The following SRPK2 variants were observed in gnomAD, a reference collection of about 807,000 sequenced individuals.
SRPK2 encodes SFRS protein kinase 2.
In SRPK2, 21 loss-of-function variants were observed where a neutral mutation model predicts 90.8. That is an observed-to-expected ratio of 0.23 (90% CI 0.16 to 0.33). SRPK2 has a LOEUF of 0.33. SRPK2 is among the 10% of genes least tolerant of loss of function. The probability of loss-of-function intolerance (pLI) is 1.00; values close to 1 mark genes in which losing one functional copy is unlikely to be tolerated. For synonymous variants in SRPK2, 288 were observed against 311.1 expected (o/e 0.93, Z 0.78); for missense variants, 620 against 869.0 (o/e 0.71, Z 3.60).
chr7:105,129,666 C>T lies in SRPK2; in HGVS notation c.1753-2604G>A, dbSNP rs116967117. On this transcript the variant is annotated intron_variant, in intron 13 of 15. Transcript: ENST00000393651. ...CTGGGATTACAGGTGTGCATCACCT[C>T]GCTGGGCCTAAGTATAATCTTTATT... Among the ~76,000 whole-genome samples, 560 of 152,240 alleles carry T rather than the reference C, an allele frequency of 3.7e-3. 15 individuals are homozygous for T. In the East Asian group the frequency reaches 0.062, roughly 17 times the overall value.
Position 105,132,820 on chromosome 7 carries a change from G to A in SRPK2, c.1723C>T (p.Pro575Ser). 6.2e-7 allele frequency: 1 copy of A among 1,610,132 alleles called. No individual in the cohort carries two copies. Among genetic ancestry groups the A allele is most frequent in the Non-Finnish European group, 8.5e-7 (1 of 1,177,990 alleles). ...EVLIGAGYST[P>S]ADIWSTACMA... Reference sequence around the variant, plus strand: ...CACGCCGTGCTCCAGATGTCCGCAGGGGTGCTGTACCCCGCTCCTATTAAA... The same window carrying A: ...CACGCCGTGCTCCAGATGTCCGCAGAGGTGCTGTACCCCGCTCCTATTAAA... Residue 575 changes from proline (P) to serine (S), a missense_variant, in exon 13 of 16, where the codon CCT (proline) becomes TCT (serine). Coordinates refer to ENST00000393651, the MANE Select transcript of SRPK2 (RefSeq NM_182692.3).
At chr7:105,355,300 A>T (rs1201756444) in intron 2 of SRPK2, among the ~76,000 whole-genome samples, 1 of 151,980 alleles carries the variant, frequency 6.6e-6, no homozygotes, top group Non-Finnish European at 1.5e-5. Context: ...GTTCAAGACT[A>T]GCCTGCGCAA....
At chr7:105,248,729 C>T (rs1215055145) in intron 2 of SRPK2, among the ~76,000 whole-genome samples, 2 of 152,114 alleles carry the variant, frequency 1.3e-5, no homozygotes, top group African/African-American at 4.8e-5. Flanking sequence ...ATCACGAGGT[C>T]AGGAGATTGA....
intron 2 of SRPK2, among the ~76,000 whole-genome samples, chr7:105,213,252 G>A (rs550293518): frequency 4.1e-4 from 62 of 152,156 alleles, no homozygotes; most frequent in Non-Finnish European, 7.8e-4. Flanking sequence ...AAAAGTAACC[G>A]GCTCTAGCTC....
At chr7:105,224,855 C>G (rs1798523330) in intron 2 of SRPK2, among the ~76,000 whole-genome samples, 2 of 152,096 alleles carry the variant, frequency 1.3e-5, no homozygotes, top group African/African-American at 4.8e-5. Context: ...CCCTTGACCC[C>G]AAAATGAATT....
At chr7:105,169,533 C>T (rs1790532730) in intron 3 of SRPK2, among the ~76,000 whole-genome samples, 1 of 152,114 alleles carries the variant, frequency 6.6e-6, no homozygotes, top group South Asian at 2.1e-4. Context: ...ACGAGACCAG[C>T]CTGGCCAACA....
chr7:105,214,762 A>G lies in SRPK2; in HGVS notation c.72-10977T>C, dbSNP rs138260571. On this transcript the variant is annotated intron_variant, in intron 2 of 15. Coordinates refer to ENST00000393651, the MANE Select transcript of SRPK2 (RefSeq NM_182692.3). ...ATTGGAGACTTAATACTGTTTGCCA[A>G]TATGGGAAAATGCCCCCTACAGATT... 2.7e-3 allele frequency among the ~76,000 whole-genome samples: 418 copies of G among 152,364 alleles called. 3 individuals carry two copies. Among genetic ancestry groups the G allele is most frequent in the Non-Finnish European group, 4.7e-3 (318 of 68,038 alleles).
intron 2 of SRPK2, among the ~76,000 whole-genome samples, chr7:105,330,406 A>G (rs751069421): frequency 7.2e-5 from 11 of 152,032 alleles, no homozygotes; most frequent in African/African-American, 1.4e-4. Context: ...CAGTAACAAC[A>G]TAAGAATTGA....
intron 2 of SRPK2, among the ~76,000 whole-genome samples, chr7:105,374,993 A>G (rs1037359791): frequency 6.6e-6 from 1 of 152,220 alleles, no homozygotes; most frequent in African/African-American, 2.4e-5. Flanking sequence ...GTAAGTAACA[A>G]AAACACAGGA....
intron 7 of SRPK2, among the ~76,000 whole-genome samples, chr7:105,157,747 C>T (rs1806739426): frequency 6.6e-6 from 1 of 152,026 alleles, no homozygotes; most frequent in African/African-American, 2.4e-5. Flanking sequence ...TCTAAGTTTC[C>T]ACCAAAAACA....
intron 2 of SRPK2, among the ~76,000 whole-genome samples, chr7:105,271,129 T>C (rs17640599): frequency 0.43 from 65,840 of 152,022 alleles, 15,633 homozygotes; most frequent in South Asian, 0.53. Context: ...AGAAAAGAGA[T>C]TACACTTGAA....
intron 6 of SRPK2, among the ~76,000 whole-genome samples, chr7:105,167,107 C>T (rs1455533678): frequency 1.3e-5 from 2 of 152,082 alleles, no homozygotes; most frequent in East Asian, 1.9e-4. Flanking sequence ...AAAAACTTTA[C>T]CACTATTAAT....
chr7:105,205,925 G>GAA (rs2129610979), intron 2 of SRPK2: 1 of 474,544 alleles, frequency 2.1e-6, no homozygotes. Flanking sequence ...TACATTCTCT[G>GAA]AAAACACACA....
At chr7:105,140,816 C>A (rs1803631256) in intron 11 of SRPK2, among the ~76,000 whole-genome samples, 1 of 151,966 alleles carries the variant, frequency 6.6e-6, no homozygotes. Context: ...CAAAAATTAG[C>A]CGGGCATGGT....
At chr7:105,207,565 A>G (rs1796365733) in intron 2 of SRPK2, among the ~76,000 whole-genome samples, 1 of 152,250 alleles carries the variant, frequency 6.6e-6, no homozygotes, top group South Asian at 2.1e-4. Context: ...AACAATACCA[A>G]AATAATTAAA....
In SRPK2 at chr7:105,116,592, A is replaced by G. The variant is rs1562943735; in HGVS notation, c.*1246T>C. ...ATCCACTGACTTCTAAAAGAGGCTA[A>G]ATATACCTCTATATATTACATTCTA... On this transcript the variant is annotated 3_prime_UTR_variant, in exon 16 of 16. Transcript: ENST00000393651. 1.3e-5 allele frequency: 2 copies of G among 152,750 alleles called. No homozygotes were observed. Among genetic ancestry groups the G allele is most frequent in the Middle Eastern group, 3.4e-3 (1 of 294 alleles). 9.5% of individuals were successfully genotyped at this position (152,750 alleles called of 1,614,324 possible).
chr7:105,262,030 C>T (rs1272619044), intron 2 of SRPK2, among the ~76,000 whole-genome samples: 1 of 152,134 alleles, frequency 6.6e-6, no homozygotes, highest in East Asian at 1.9e-4. Context: ...AACTCCCAAG[C>T]ACAAGGGGAA....
At chr7:105,171,690 C>T (rs1253974609) in intron 3 of SRPK2, among the ~76,000 whole-genome samples, 1 of 152,168 alleles carries the variant, frequency 6.6e-6, no homozygotes, top group Non-Finnish European at 1.5e-5. Context: ...TCGTGAGATT[C>T]TTACCCTTCT....
intron 2 of SRPK2, among the ~76,000 whole-genome samples, chr7:105,340,920 TA>T (rs1211723190): frequency 6.6e-6 from 1 of 152,208 alleles, no homozygotes; most frequent in Non-Finnish European, 1.5e-5. Context: ...AATGTTTTTT[TA>T]GATATTGTAT....
Sources: allele counts gnomAD v4.1 joint callset (sites outside exome capture counted in the v4.1 genomes callset), GRCh38; gene constraint gnomAD v4.1.1; transcripts MANE v1.5; gene names NCBI Gene and HGNC (gene_info 2026-07-23, HGNC 2026-07-21).